KCNN2: variants seen among roughly 807,000 people sequenced by gnomAD.
The protein encoded by KCNN2 is potassium calcium-activated channel subfamily N member 2.
A neutral mutation model predicts 55.5 loss-of-function variants in KCNN2; 24 were observed. That is an observed-to-expected ratio of 0.43 (90% CI 0.31 to 0.61). KCNN2 has a LOEUF of 0.61. Ranked by LOEUF, KCNN2 falls within the 20% of genes least tolerant of loss-of-function variation. KCNN2 has a pLI of 0.08. For missense variants in KCNN2, 754 were observed against 853.6 expected, an observed-to-expected ratio of 0.88 and a Z score of 1.45; for synonymous variants, 431 against 336.1, an observed-to-expected ratio of 1.28 and a Z score of -3.09.
intron 1 of KCNN2, among the ~76,000 whole-genome samples, chr5:114,160,861 A>G (rs1003423073): frequency 9.2e-5 from 14 of 152,086 alleles, no homozygotes; most frequent in African/African-American, 3.1e-4. Context: ...TGCTTGGTGG[A>G]TCTTCCTCCA....
intron 1 of KCNN2, among the ~76,000 whole-genome samples, chr5:114,205,631 A>C (rs1753752470): frequency 6.6e-6 from 1 of 152,224 alleles, no homozygotes; most frequent in Non-Finnish European, 1.5e-5. Flanking sequence ...AAGAGCTTTC[A>C]GAAGACTTTT....
chr5:114,060,410 C>T (rs1580473959), intron 1 of KCNN2, among the ~76,000 whole-genome samples: 1 of 152,330 alleles, frequency 6.6e-6, no homozygotes, highest in East Asian at 1.9e-4. Flanking sequence ...TAGTGCCTGG[C>T]ACAGTGCCTG....
chr5:114,334,819 C>T (rs1756892320), intron 2 of KCNN2, among the ~76,000 whole-genome samples: 1 of 152,162 alleles, frequency 6.6e-6, no homozygotes, highest in Admixed American at 6.5e-5. Context: ...AAAATTGACC[C>T]ATGTTAATTA....
At chr5:114,347,808 T>G (rs527508463) in intron 2 of KCNN2, among the ~76,000 whole-genome samples, 1 of 152,340 alleles carries the variant, frequency 6.6e-6, no homozygotes, top group South Asian at 2.1e-4. Flanking sequence ...TCAGGGATTA[T>G]ATGTACTGCT....
At position 114,241,757 on chromosome 5, in the gene KCNN2, TATATAC is replaced by T. The variant is rs1754636330; in HGVS notation, c.-185+20193_-185+20198del. 1.4e-4 allele frequency among the ~76,000 whole-genome samples: 3 copies of T among 21,836 alleles called. 1 individual carries two copies. In the Admixed American group the frequency reaches 1.6e-3, roughly 11 times the overall value. 14.3% of individuals were successfully genotyped at this position (21,836 alleles called of 152,430 possible). A position where few individuals can be genotyped will look rare whatever the true frequency, so the allele number is the denominator to read the frequency against. ...ACATATATACGTATATATATGTATATATATACGTATATATATACATATATACGTATA... is the reference window on the plus strand; with the variant it reads ...ACATATATACGTATATATATGTATATGTATATATATACATATATACGTATA... On this transcript the variant is annotated intron_variant, in intron 2 of 10. Transcript: ENST00000512097.
intron 1 of KCNN2, among the ~76,000 whole-genome samples, chr5:114,075,855 G>A (rs1750675907): frequency 6.6e-6 from 1 of 152,166 alleles, no homozygotes; most frequent in Admixed American, 6.5e-5. Flanking sequence ...CCTATTGGAT[G>A]ATGAAAGAAT....
chr5:114,160,013 C>G (rs1752731315), intron 1 of KCNN2, among the ~76,000 whole-genome samples: 1 of 152,064 alleles, frequency 6.6e-6, no homozygotes, highest in South Asian at 2.1e-4. Flanking sequence ...TTCAGTTCTG[C>G]TCTGATGTTA....
At chr5:114,285,753 G>T (rs557933285) in intron 2 of KCNN2, among the ~76,000 whole-genome samples, 1 of 152,248 alleles carries the variant, frequency 6.6e-6, no homozygotes, top group South Asian at 2.1e-4. Flanking sequence ...CTGTAGAGTT[G>T]AAGATGGAAA....
chr5:114,277,856 T>G (rs1755523599), intron 2 of KCNN2, among the ~76,000 whole-genome samples: 1 of 152,190 alleles, frequency 6.6e-6, no homozygotes, highest in South Asian at 2.1e-4. Context: ...GTCAAACTCA[T>G]TCTCCATCCA....
chr5:114,139,739 G>C (rs2954370), intron 1 of KCNN2, among the ~76,000 whole-genome samples: 71 of 150,552 alleles, frequency 4.7e-4, no homozygotes, highest in African/African-American at 1.6e-3. Flanking sequence ...AATCAGAACT[G>C]GCTCTACATA....
At chr5:114,437,685 T>C (rs912340027) in intron 3 of KCNN2, among the ~76,000 whole-genome samples, 1 of 152,174 alleles carries the variant, frequency 6.6e-6, no homozygotes, top group African/African-American at 2.4e-5. Context: ...TCACATAACA[T>C]ACTATAGTTT....
chr5:114,066,710 G>A (rs1750459653), intron 1 of KCNN2, among the ~76,000 whole-genome samples: 1 of 152,162 alleles, frequency 6.6e-6, no homozygotes, highest in African/African-American at 2.4e-5. Context: ...CTCCCAAGTA[G>A]CTGGGACTAC....
At chr5:114,489,858 T>G (rs185408811) in intron 6 of KCNN2, among the ~76,000 whole-genome samples, 25 of 152,276 alleles carry the variant, frequency 1.6e-4, no homozygotes, top group Admixed American at 1.1e-3. Flanking sequence ...CCTTACTAGC[T>G]GAAGAAAAAT....
rs372734260 is a variant in KCNN2, at chr5:114,162,267, C to T, written c.-270-59213C>T. ...TCTGTTGGAGTTTGCTGGAGGTCCA[C>T]TCCAGACCCTGTTTGCATGGGTATC... On this transcript the variant is annotated intron_variant, in intron 1 of 10. Coordinates refer to the KCNN2 transcript ENST00000512097. Among the ~76,000 whole-genome samples the T allele has an allele frequency of 9.2e-5, 14 of 152,340 alleles. No individual in the cohort carries two copies. In the East Asian group the frequency reaches 2.3e-3, roughly 25 times the overall value.
At chr5:114,467,314 A>T (rs1051720892) in intron 4 of KCNN2, among the ~76,000 whole-genome samples, 4 of 152,082 alleles carry the variant, frequency 2.6e-5, no homozygotes, top group African/African-American at 9.7e-5. Context: ...CCATTTGAGG[A>T]TTTGTTTTCC....
In KCNN2 at chr5:114,337,409, A is replaced by G. The variant is rs539327427; in HGVS notation, c.-184-23536A>G. 4.6e-5 allele frequency among the ~76,000 whole-genome samples: 7 copies of G among 152,318 alleles called. No individual in the cohort carries two copies. The South Asian group carries it at 1.4e-3, about 32-fold the overall frequency. On this transcript the variant is annotated intron_variant, in intron 2 of 10. Transcript: ENST00000512097. ...AGAAAGATGTCCCATGTAGCTAGTG[A>G]AAAGAACATTTACATGCAACTTGCA...
chr5:114,066,591 T>G (rs1750456200), intron 1 of KCNN2, among the ~76,000 whole-genome samples: 1 of 152,232 alleles, frequency 6.6e-6, no homozygotes, highest in Non-Finnish European at 1.5e-5. Flanking sequence ...CTTTTCTTTT[T>G]TGAGACGAAA....
At chr5:114,119,830 T>C (rs1751790050) in intron 1 of KCNN2, among the ~76,000 whole-genome samples, 1 of 152,160 alleles carries the variant, frequency 6.6e-6, no homozygotes, top group Admixed American at 6.5e-5. Flanking sequence ...GTTCTGACTA[T>C]CTGCGTGGCT....
At chr5:114,258,020 T>C (rs996388884) in intron 2 of KCNN2, among the ~76,000 whole-genome samples, 1 of 152,206 alleles carries the variant, frequency 6.6e-6, no homozygotes, top group Non-Finnish European at 1.5e-5. Flanking sequence ...GTTTCTTTTA[T>C]GCCTAGTTTG....
Sources: gnomAD v4.1 joint callset for allele counts (sites outside exome capture counted in the v4.1 genomes callset) on GRCh38, gnomAD v4.1.1 for gene constraint, MANE v1.5 for transcripts, NCBI Gene and HGNC (gene_info 2026-07-23, HGNC 2026-07-21) for gene names.